The following MFSD6 variants were observed in gnomAD, a reference collection of about 807,000 sequenced individuals.
MFSD6 encodes major facilitator superfamily domain-containing protein 6.
Under a neutral mutation model 56.3 loss-of-function variants are expected in MFSD6, and 26 were observed. The observed-to-expected ratio is 0.46, with a 90% CI of 0.34 to 0.64. MFSD6 has a LOEUF of 0.64. Among genes scored for constraint, MFSD6 ranks in the 30% least tolerant of loss-of-function variants. MFSD6 has a pLI of 0.01. For missense variants in MFSD6, 750 were observed against 986.2 expected, an observed-to-expected ratio of 0.76 and a Z score of 3.21; for synonymous variants, 331 against 366.9, an observed-to-expected ratio of 0.90 and a Z score of 1.12.
In MFSD6 at chr2:190,457,996, C is replaced by T. The variant is rs191390874; in HGVS notation, c.1533-11762C>T. The stretch of plus-strand genomic sequence containing the variant: ...TGGTCAGATTAGGTTGTACAAAATG[C>T]GAAGAGTCCTCCTCTAAGGATACAG... On this transcript the variant is annotated intron_variant, in intron 3 of 7. Coordinates refer to ENST00000392328, the MANE Select transcript of MFSD6 (RefSeq NM_017694.4). The surrounding 1 kb of genome is among the most constrained non-coding windows in gnomAD (Gnocchi z 5.1). Among the ~76,000 whole-genome samples, 14 of 152,120 alleles carry T rather than the reference C, an allele frequency of 9.2e-5. No homozygotes were observed. Among genetic ancestry groups the T allele is most frequent in the East Asian group, 1.9e-4 (1 of 5,198 alleles).
intron 4 of MFSD6, among the ~76,000 whole-genome samples, chr2:190,481,179 G>A (rs780259182): frequency 1.3e-5 from 2 of 152,244 alleles, no homozygotes; most frequent in Admixed American, 6.5e-5. Flanking sequence ...TGGGTTTTGG[G>A]TGGTAGTCTC....
chr2:190,436,835 CT>C lies in MFSD6; in HGVS notation c.809del (p.Leu270TyrfsTer21). ...ACTGTTATTGTTACCACCACCAAAT[CT>C]TTACCTTCTGACCAAGTCATGCTTG... ...TTTVIVTTTK[S>X]LPSDQVMLVY... On this transcript the variant is annotated frameshift_variant, in exon 3 of 8. Coordinates refer to ENST00000392328, the MANE Select transcript of MFSD6 (RefSeq NM_017694.4). LOFTEE classifies it high-confidence loss of function. This position sits in a 1 kb window ranked among gnomAD's most constrained non-coding sequence, Gnocchi z 5.3. The C allele has an allele frequency of 6.2e-7, 1 of 1,614,236 alleles. No homozygotes were observed. Among genetic ancestry groups the C allele is most frequent in the Non-Finnish European group, 8.5e-7 (1 of 1,180,040 alleles).
Position 190,426,986 on chromosome 2 carries a change from A to G in MFSD6, c.-53-8991A>G. ...ACCTGAAGGTGAAAGACTTTTCATTACTGTGAAGTGGAGATGGGCATTTCA... is the reference window on the plus strand; with the variant it reads ...ACCTGAAGGTGAAAGACTTTTCATTGCTGTGAAGTGGAGATGGGCATTTCA... On this transcript the variant is annotated intron_variant, in intron 2 of 7. Coordinates refer to ENST00000392328, the MANE Select transcript of MFSD6 (RefSeq NM_017694.4). The surrounding 1 kb of genome is among the most constrained non-coding windows in gnomAD (Gnocchi z 4.7). 6.6e-6 allele frequency among the ~76,000 whole-genome samples: 1 copy of G among 152,196 alleles called. No homozygotes were observed. The highest frequency in any genetic ancestry group is 2.4e-5 in the African/African-American group (1 of 41,446).
Position 190,497,537 on chromosome 2 carries a change from C to T in MFSD6, c.1990C>T (p.Arg664Cys), listed in dbSNP as rs746938032. The T allele has an allele frequency of 6.8e-6, 11 of 1,614,156 alleles. No homozygotes were observed. Among genetic ancestry groups the T allele is most frequent in the Non-Finnish European group, 7.6e-6 (9 of 1,179,992 alleles). ...GCAACAGACAGAAGATGTCATGCCA[C>T]GCATTGAGCCCAGACTTCCACCCAA... ...VQQQTEDVMPRIEPRLPPKKT... is the reference protein window; with the variant it reads ...VQQQTEDVMPCIEPRLPPKKT... Residue 664 changes from arginine to cysteine, a missense_variant, in exon 7 of 8, where the codon CGC (arginine) becomes TGC (cysteine). Around this residue, in one of 5 missense-constraint regions of MFSD6, gnomAD observed 172 missense variants for 203.9 expected, o/e 0.84. Coordinates refer to ENST00000392328, the MANE Select transcript of MFSD6 (RefSeq NM_017694.4). This position sits in a 1 kb window ranked among gnomAD's most constrained non-coding sequence, Gnocchi z 5.2.
chr2:190,494,380 C>A lies in MFSD6; in HGVS notation c.1892-3059C>A, dbSNP rs1262231226. Among the ~76,000 whole-genome samples the A allele has an allele frequency of 1.3e-5, 2 of 152,046 alleles. No individual in the cohort carries two copies. Among genetic ancestry groups the A allele is most frequent in the Non-Finnish European group, 2.9e-5 (2 of 67,970 alleles). On this transcript the variant is annotated intron_variant, in intron 6 of 7. Coordinates refer to ENST00000392328, the MANE Select transcript of MFSD6 (RefSeq NM_017694.4). This position sits in a 1 kb window ranked among gnomAD's most constrained non-coding sequence, Gnocchi z 5.7. Reference sequence around the variant, plus strand: ...AAAAAAATTGCCAACAAAAAAAAGTCCAGGACCAGATGGAGTCACAGCTGA... The same window carrying A: ...AAAAAAATTGCCAACAAAAAAAAGTACAGGACCAGATGGAGTCACAGCTGA...
rs1313018984 is a variant in MFSD6, at chr2:190,434,435, TTTTA to T, written c.-53-1530_-53-1527del. ...ATATGAAAAACATTTATTTATTTTATTTTATTTATTTATTTTTTTGAGACGGAGT... is the reference window on the plus strand; with the variant it reads ...ATATGAAAAACATTTATTTATTTTATTTTATTTATTTTTTTGAGACGGAGT... On this transcript the variant is annotated intron_variant, in intron 2 of 7. Coordinates refer to ENST00000392328, the MANE Select transcript of MFSD6 (RefSeq NM_017694.4). This position sits in a 1 kb window ranked among gnomAD's most constrained non-coding sequence, Gnocchi z 4.3. Among the ~76,000 whole-genome samples the T allele has an allele frequency of 1.6e-4, 25 of 152,252 alleles. No individual in the cohort carries two copies. The highest frequency in any genetic ancestry group is 3.2e-4 in the Non-Finnish European group (22 of 68,024).
Position 190,489,324 on chromosome 2 carries a change from C to T in MFSD6, c.1793-444C>T, listed in dbSNP as rs183948329. Among the ~76,000 whole-genome samples the T allele has an allele frequency of 7.7e-4, 117 of 152,300 alleles. No individual in the cohort carries two copies. Among genetic ancestry groups the T allele is most frequent in the African/African-American group, 2.8e-3 (115 of 41,558 alleles). Reference sequence around the variant, plus strand: ...CTGAAATAGGAATGAGATTATTCTGCTCCAGGAATCTTAACTACTCAGTCA... The same window carrying T: ...CTGAAATAGGAATGAGATTATTCTGTTCCAGGAATCTTAACTACTCAGTCA... On this transcript the variant is annotated intron_variant, in intron 5 of 7. Coordinates refer to ENST00000392328, the MANE Select transcript of MFSD6 (RefSeq NM_017694.4). This position sits in a 1 kb window ranked among gnomAD's most constrained non-coding sequence, Gnocchi z 6.6.
chr2:190,500,116 A>C lies in MFSD6; in HGVS notation c.2274A>C (p.Ala758=). The change falls in exon 8 of 8, where the codon GCA becomes GCC. Residue 758 remains alanine (A), a synonymous_variant. Transcript: ENST00000392328. This position sits in a 1 kb window ranked among gnomAD's most constrained non-coding sequence, Gnocchi z 5.3. ...DPSRNQPSPD[A]AASQTQTSPA... ...CTAGAAACCAGCCATCCCCTGACGC[A>C]GCAGCATCTCAGACGCAGACCAGCC... 6.2e-7 allele frequency: 1 copy of C among 1,614,194 alleles called. No individual in the cohort carries two copies. Among genetic ancestry groups the C allele is most frequent in the South Asian group, 1.1e-5 (1 of 91,076 alleles).
chr2:190,482,960 C>T (rs1440384157), intron 4 of MFSD6, among the ~76,000 whole-genome samples: 14 of 134,288 alleles, frequency 1.0e-4, no homozygotes, highest in Admixed American at 2.6e-4. Flanking sequence ...GGCGCAATCT[C>T]GGCTCACTGC....
intron 2 of MFSD6, among the ~76,000 whole-genome samples, chr2:190,430,818 G>A (rs374523031): frequency 4.7e-5 from 6 of 127,388 alleles, no homozygotes; most frequent in African/African-American, 1.5e-4. Context: ...CCTCCCTCCC[G>A]GACGGGGCGG....
At position 190,431,067 on chromosome 2, in the gene MFSD6, G is replaced by T. The variant is rs1301126316; in HGVS notation, c.-53-4910G>T. Among the ~76,000 whole-genome samples, 2 of 151,070 alleles carry T rather than the reference G, an allele frequency of 1.3e-5. No individual in the cohort carries two copies. The highest frequency in any genetic ancestry group is 2.4e-5 in the African/African-American group (1 of 41,262). Reference sequence around the variant, plus strand: ...AGAGGCGCTCCTCACCTCCCAGACGGGGTCGCAGCCGGGCAGAGGCGCTCC... The same window carrying T: ...AGAGGCGCTCCTCACCTCCCAGACGTGGTCGCAGCCGGGCAGAGGCGCTCC... On this transcript the variant is annotated intron_variant, in intron 2 of 7. Transcript: ENST00000392328. This position sits in a 1 kb window ranked among gnomAD's most constrained non-coding sequence, Gnocchi z 4.4.
intron 3 of MFSD6, among the ~76,000 whole-genome samples, chr2:190,449,380 A>G (rs939127763): frequency 2.6e-5 from 4 of 152,108 alleles, no homozygotes; most frequent in Admixed American, 2.6e-4. Context: ...AGGCTGAGGC[A>G]GGAGAATCAC....
chr2:190,485,059 C>G lies in MFSD6; in HGVS notation c.1631-3598C>G, dbSNP rs1688934105. 6.6e-6 allele frequency among the ~76,000 whole-genome samples: 1 copy of G among 152,148 alleles called. No individual in the cohort carries two copies. Among genetic ancestry groups the G allele is most frequent in the Non-Finnish European group, 1.5e-5 (1 of 68,028 alleles). ...TGTGGAGAATCTTTTACAACTACCACTTAATACTAGTCAGTAAATTCTAAG... is the reference window on the plus strand; with the variant it reads ...TGTGGAGAATCTTTTACAACTACCAGTTAATACTAGTCAGTAAATTCTAAG... On this transcript the variant is annotated intron_variant, in intron 4 of 7. Transcript: ENST00000392328. This position sits in a 1 kb window ranked among gnomAD's most constrained non-coding sequence, Gnocchi z 5.1.
In MFSD6 at chr2:190,496,666, GTA is replaced by G. The variant is rs897163455; in HGVS notation, c.1892-771_1892-770del. ...TATATGTATATGTGTATATGTGTGT[GTA>G]TGTGTGTGTGTATATACACACACAC... On this transcript the variant is annotated intron_variant, in intron 6 of 7. Coordinates refer to ENST00000392328, the MANE Select transcript of MFSD6 (RefSeq NM_017694.4). This position sits in a 1 kb window ranked among gnomAD's most constrained non-coding sequence, Gnocchi z 4.7. Among the ~76,000 whole-genome samples the G allele has an allele frequency of 2.6e-5, 4 of 151,742 alleles. No individual in the cohort carries two copies. The highest frequency in any genetic ancestry group is 5.9e-5 in the Non-Finnish European group (4 of 67,964).
rs1173533178 is a variant in MFSD6 at position 190,458,990 on chromosome 2, C to T, written c.1533-10768C>T. 6.6e-6 allele frequency among the ~76,000 whole-genome samples: 1 copy of T among 152,206 alleles called. No homozygotes were observed. Among genetic ancestry groups the T allele is most frequent in the Admixed American group, 6.5e-5 (1 of 15,280 alleles). On this transcript the variant is annotated intron_variant, in intron 3 of 7. Transcript: ENST00000392328. This position sits in a 1 kb window ranked among gnomAD's most constrained non-coding sequence, Gnocchi z 5.3. ...AGGTAAAACAAGAACATCTGTTGTA[C>T]TGACTGCTCCCAAGTCTGACGTAGA...
intron 1 of MFSD6, among the ~76,000 whole-genome samples, chr2:190,409,593 G>A (rs755288580): frequency 2.6e-5 from 4 of 152,178 alleles, no homozygotes; most frequent in Admixed American, 6.5e-5. Context: ...AGAAGTCCAT[G>A]ATTTTCTAGA....
At chr2:190,435,637 AAC>A (rs3841088) in intron 2 of MFSD6, among the ~76,000 whole-genome samples, 68,944 of 151,880 alleles carry the variant, frequency 0.45, 16,026 homozygotes, top group Admixed American at 0.6. Context: ...AGAAACTATA[AAC>A]AGTGTTTATT....
At position 190,431,524 on chromosome 2, in the gene MFSD6, G is replaced by C. The variant is rs563559766; in HGVS notation, c.-53-4453G>C. Among the ~76,000 whole-genome samples, 2 of 152,352 alleles carry C rather than the reference G, an allele frequency of 1.3e-5. No individual in the cohort carries two copies. Among genetic ancestry groups the C allele is most frequent in the East Asian group, 3.9e-4 (2 of 5,180 alleles). On this transcript the variant is annotated intron_variant, in intron 2 of 7. Coordinates refer to ENST00000392328, the MANE Select transcript of MFSD6 (RefSeq NM_017694.4). The surrounding 1 kb of genome is among the most constrained non-coding windows in gnomAD (Gnocchi z 4.4). ...TGGAGACTAGCCCGGCCAACACAGCGAAACCCCGTCTCCACCAAAAAAATA... is the reference window on the plus strand; with the variant it reads ...TGGAGACTAGCCCGGCCAACACAGCCAAACCCCGTCTCCACCAAAAAAATA...
chr2:190,453,620 A>G (rs928625476), intron 3 of MFSD6, among the ~76,000 whole-genome samples: 2 of 152,234 alleles, frequency 1.3e-5, no homozygotes, highest in Non-Finnish European at 1.5e-5. Flanking sequence ...CATAAAAATT[A>G]CATCCTAATG....
Sources: gnomAD v4.1 joint callset for allele counts (sites outside exome capture counted in the v4.1 genomes callset) on GRCh38, gnomAD v4.1.1 for gene constraint, gnomAD v4.1.1 regional missense constraint, Gnocchi (gnomAD v3.1) non-coding constraint, MANE v1.5 for transcripts, NCBI Gene and HGNC (gene_info 2026-07-23, HGNC 2026-07-21) for gene names.